Variants in SPATA16 observed in about 807,000 individuals in gnomAD.
SPATA16 encodes the protein spermatogenesis-associated protein 16.
In SPATA16, 36 loss-of-function variants were observed where a neutral mutation model predicts 63.3. The observed-to-expected ratio is 0.57, with a 90% confidence interval of 0.44 to 0.75. The LOEUF is 0.75. Ranked by LOEUF, SPATA16 falls within the 30% of genes least tolerant of loss-of-function variation. The probability of loss-of-function intolerance (pLI) is 0.00; values close to 1 mark genes in which losing one functional copy is unlikely to be tolerated. For synonymous variants in SPATA16, 203 were observed against 216.7 expected (o/e 0.94, Z 0.56); for missense variants, 646 against 679.3 (o/e 0.95, Z 0.54).
intron 1 of SPATA16, among the ~76,000 whole-genome samples, chr3:173,129,799 A>C (rs1039263623): frequency 6.6e-6 from 1 of 152,116 alleles, no homozygotes; most frequent in African/African-American, 2.4e-5. Context: ...ACAATTGGGG[A>C]ACACCTATCA....
chr3:173,016,119 G>A (rs1735181328), intron 4 of SPATA16, among the ~76,000 whole-genome samples: 1 of 152,186 alleles, frequency 6.6e-6, no homozygotes, highest in Admixed American at 6.5e-5. Context: ...ACCAGTGCCA[G>A]CCATCTCCGC....
At chr3:173,028,928 T>C (rs2108282549) in intron 3 of SPATA16, among the ~76,000 whole-genome samples, 1 of 152,066 alleles carries the variant, frequency 6.6e-6, no homozygotes, top group East Asian at 1.9e-4. Context: ...AATAAATATG[T>C]TTAGAGAGTA....
At chr3:173,046,484 T>G (rs1735957664) in intron 3 of SPATA16, among the ~76,000 whole-genome samples, 1 of 151,996 alleles carries the variant, frequency 6.6e-6, no homozygotes. Context: ...CAAAACTACA[T>G]GATGGTTTTT....
chr3:173,097,030 T>C (rs1380891875), intron 2 of SPATA16, among the ~76,000 whole-genome samples: 1 of 152,122 alleles, frequency 6.6e-6, no homozygotes, highest in Non-Finnish European at 1.5e-5. Flanking sequence ...TCAACTGCAG[T>C]CCAAAAATAT....
At chr3:172,949,025 A>G (rs899618277) in intron 6 of SPATA16, among the ~76,000 whole-genome samples, 1 of 152,096 alleles carries the variant, frequency 6.6e-6, no homozygotes, top group Non-Finnish European at 1.5e-5. Flanking sequence ...ATTACTCTGA[A>G]CTTTAGGACA....
intron 2 of SPATA16, among the ~76,000 whole-genome samples, chr3:173,064,796 C>T (rs1260772234): frequency 2.6e-5 from 4 of 152,140 alleles, no homozygotes; most frequent in Admixed American, 2.0e-4. Context: ...AAAGTCAAGA[C>T]CCAAGAACAC....
chr3:173,010,355 G>A (rs542395836), intron 4 of SPATA16, among the ~76,000 whole-genome samples: 1 of 152,130 alleles, frequency 6.6e-6, no homozygotes, highest in South Asian at 2.1e-4. Context: ...CCTGCCCTAC[G>A]TTGCTCTGTT....
chr3:173,130,569 G>T (rs1268419120), intron 1 of SPATA16, among the ~76,000 whole-genome samples: 1 of 151,964 alleles, frequency 6.6e-6, no homozygotes, highest in Non-Finnish European at 1.5e-5. Flanking sequence ...CATATGATTT[G>T]CCCGAGGATA....
intron 4 of SPATA16, among the ~76,000 whole-genome samples, chr3:172,987,578 A>C (rs578093265): frequency 2.6e-5 from 4 of 152,326 alleles, no homozygotes; most frequent in Admixed American, 2.6e-4. Flanking sequence ...TGTGGGATCA[A>C]AGGAAAGGAA....
At chr3:173,010,746 G>A (rs1314036506) in intron 4 of SPATA16, among the ~76,000 whole-genome samples, 1 of 151,958 alleles carries the variant, frequency 6.6e-6, no homozygotes, top group African/African-American at 2.4e-5. Context: ...GTGGCTCAAA[G>A]TACTTCCGAA....
At chr3:173,108,474 C>G (rs6765750) in intron 2 of SPATA16, among the ~76,000 whole-genome samples, 58,097 of 151,888 alleles carry the variant, frequency 0.38, 13,334 homozygotes, top group African/African-American at 0.65. Context: ...CAATGCTAGT[C>G]GTTCTCAATG....
intron 2 of SPATA16, among the ~76,000 whole-genome samples, chr3:173,100,692 A>G (rs1255492106): frequency 1.3e-5 from 2 of 150,688 alleles, no homozygotes; most frequent in South Asian, 4.2e-4. Context: ...ACACACACAC[A>G]CACACACACA....
At chr3:173,039,238 A>G (rs1168943590) in intron 3 of SPATA16, among the ~76,000 whole-genome samples, 1 of 152,172 alleles carries the variant, frequency 6.6e-6, no homozygotes, top group Non-Finnish European at 1.5e-5. Context: ...TGTTCAACTC[A>G]TTAGAATGGA....
intron 6 of SPATA16, among the ~76,000 whole-genome samples, chr3:172,932,134 A>T (rs1732885462): frequency 6.6e-6 from 1 of 152,236 alleles, no homozygotes; most frequent in African/African-American, 2.4e-5. Context: ...TATGGAAATA[A>T]AGCACTAAGC....
intron 6 of SPATA16, among the ~76,000 whole-genome samples, chr3:172,951,208 T>A (rs2109618586): frequency 6.6e-6 from 1 of 152,258 alleles, no homozygotes; most frequent in East Asian, 1.9e-4. Flanking sequence ...AATCAGTAAT[T>A]TTTTTCTCCA....
chr3:173,059,750 G>C (rs1047308227), intron 2 of SPATA16, among the ~76,000 whole-genome samples: 7 of 151,424 alleles, frequency 4.6e-5, no homozygotes, highest in Admixed American at 3.3e-4. Context: ...TGGAAGCATG[G>C]GGTTTGGACA....
chr3:172,903,294 C>T (rs578206247), intron 10 of SPATA16, among the ~76,000 whole-genome samples: 2 of 152,352 alleles, frequency 1.3e-5, no homozygotes, highest in African/African-American at 2.4e-5. Flanking sequence ...GAATATTACA[C>T]TGAAATTTGG....
At chr3:172,892,850 T>C (rs924172931) in intron 10 of SPATA16, among the ~76,000 whole-genome samples, 8 of 152,346 alleles carry the variant, frequency 5.3e-5, no homozygotes, top group African/African-American at 1.9e-4. Flanking sequence ...ACTTTGTCAT[T>C]CTGGGTCTAA....
intron 10 of SPATA16, among the ~76,000 whole-genome samples, chr3:172,902,175 C>A (rs939090172): frequency 6.6e-6 from 1 of 152,074 alleles, no homozygotes; most frequent in South Asian, 2.1e-4. Flanking sequence ...GTAGCTGGGA[C>A]TACAGGCATG....
Sources: allele counts gnomAD v4.1 joint callset (sites outside exome capture counted in the v4.1 genomes callset), GRCh38; gene constraint gnomAD v4.1.1; transcripts MANE v1.5; gene names NCBI Gene and HGNC (gene_info 2026-07-23, HGNC 2026-07-21).